Variants in CACHD1 observed in about 807,000 individuals in gnomAD.
CACHD1 encodes cache domain containing 1, also known as VWFA and cache domain-containing protein 1.
Under a neutral mutation model 138.7 loss-of-function variants are expected in CACHD1, and 71 were observed. That is an observed-to-expected ratio of 0.51 (90% CI 0.42 to 0.62). The LOEUF (loss-of-function observed/expected upper bound fraction) is 0.62, where lower values mean the gene tolerates loss of function less well. Among genes scored for constraint, CACHD1 ranks in the 20% least tolerant of loss-of-function variants. The pLI, the probability that CACHD1 is intolerant of heterozygous loss-of-function variation, is 0.00. For synonymous variants in CACHD1, 578 were observed against 591.5 expected (o/e 0.98, Z 0.33); for missense variants, 1,389 against 1,625.3 (o/e 0.85, Z 2.50).
chr1:64,608,986 G>T (rs924323908), intron 4 of CACHD1, among the ~76,000 whole-genome samples: 1 of 152,124 alleles, frequency 6.6e-6, no homozygotes, highest in South Asian at 2.1e-4. Flanking sequence ...CGCAAACTTC[G>T]ATCTTGGTAA....
At position 64,609,032 on chromosome 1, in the gene CACHD1, G is replaced by T. The variant is rs564593801; in HGVS notation, c.517+6120G>T. 2.9e-3 allele frequency among the ~76,000 whole-genome samples: 444 copies of T among 152,276 alleles called. 11 individuals are homozygous for T. The highest frequency in any genetic ancestry group is 9.0e-4 in the Non-Finnish European group (61 of 68,024). ...TTCATTGAGAAACGGGATTCACGGG[G>T]TGTAAGGGGCATTTATAAGTCATGT... On this transcript the variant is annotated intron_variant, in intron 4 of 26. Transcript: ENST00000651257.
At chr1:64,543,455 C>T (rs1024356773) in intron 1 of CACHD1, among the ~76,000 whole-genome samples, 47 of 147,298 alleles carry the variant, frequency 3.2e-4, no homozygotes, top group African/African-American at 1.2e-3. Flanking sequence ...GTGATGCACA[C>T]GTCCTAGCTA....
At chr1:64,642,453 A>G (rs945537025) in intron 8 of CACHD1, among the ~76,000 whole-genome samples, 3 of 152,190 alleles carry the variant, frequency 2.0e-5, no homozygotes, top group Non-Finnish European at 2.9e-5. Context: ...GGAGATAAGC[A>G]TTATCTACCT....
intron 26 of CACHD1, among the ~76,000 whole-genome samples, chr1:64,683,665 T>C (rs1455477127): frequency 5.3e-5 from 8 of 152,212 alleles, no homozygotes; most frequent in Non-Finnish European, 1.0e-4. Context: ...GTTCCTTTCA[T>C]TTTTCTCCAT....
At position 64,691,397 on chromosome 1, in the gene CACHD1, G is replaced by A. The variant is rs779833643; in HGVS notation, c.3661G>A (p.Asp1221Asn). 3.7e-6 allele frequency: 6 copies of A among 1,614,048 alleles called. No homozygotes were observed. Among genetic ancestry groups the A allele is most frequent in the South Asian group, 3.3e-5 (3 of 91,070 alleles). ...CAATGACCCCTTGTCAGCCGGGGTC[G>A]ATGTGGGAAACCATGATGAGGACTT... ...CNNDPLSAGV[D>N]VGNHDEDLDL... is the part of the protein sequence containing the mutation. Residue 1221 changes from aspartate (D) to asparagine (N), a missense_variant, in exon 27 of 27, where the codon GAT (aspartate) becomes AAT (asparagine). By Grantham distance (23) the Asp-to-Asn change is conservative. Transcript: ENST00000651257.
chr1:64,616,852 TG>T (rs1287279534), intron 4 of CACHD1, among the ~76,000 whole-genome samples: 1 of 152,128 alleles, frequency 6.6e-6, no homozygotes, highest in Non-Finnish European at 1.5e-5. Flanking sequence ...ATAAACAAAA[TG>T]GCTAGATGCA....
intron 1 of CACHD1, among the ~76,000 whole-genome samples, chr1:64,495,979 T>C (rs1407891507): frequency 6.6e-6 from 1 of 152,210 alleles, no homozygotes; most frequent in African/African-American, 2.4e-5. Flanking sequence ...TTTATTATAA[T>C]ATATTTGATT....
rs368836452 is a variant in CACHD1 at position 64,470,975 on chromosome 1, C to G, written c.198+33C>G. 60 of 1,552,120 alleles carry G rather than the reference C, an allele frequency of 3.9e-5. No homozygotes were observed. In the African/African-American group the frequency reaches 7.0e-4, roughly 18 times the overall value. ...GCCCCCGAGCTGGCCAGACATCCCG[C>G]CTTTCTCCTTTGCTCAAACTCCCAT... On this transcript the variant is annotated intron_variant, in intron 1 of 26. Coordinates refer to ENST00000651257, the MANE Select transcript of CACHD1 (RefSeq NM_020925.4). The surrounding 1 kb of genome is among the most constrained non-coding windows in gnomAD (Gnocchi z 5.2).
At chr1:64,647,736 G>A in intron 8 of CACHD1, 65 bp from the exon 9 acceptor site, 2 of 1,384,372 alleles carry the variant, frequency 1.4e-6, no homozygotes, top group Non-Finnish European at 2.0e-6. Context: ...GATCTAAATG[G>A]CAAGAGGTTG....
chr1:64,673,831 C>T (rs1649897328), intron 19 of CACHD1, among the ~76,000 whole-genome samples: 1 of 152,166 alleles, frequency 6.6e-6, no homozygotes. Context: ...CACTCGGGCT[C>T]CTTAAATTCC....
chr1:64,516,792 T>A (rs1360438487), intron 1 of CACHD1, among the ~76,000 whole-genome samples: 2 of 152,186 alleles, frequency 1.3e-5, no homozygotes, highest in African/African-American at 4.8e-5. Flanking sequence ...TAGGGAAATT[T>A]TTTTCTGGAG....
At chr1:64,534,453 TAAAC>T (rs553336118) in intron 1 of CACHD1, among the ~76,000 whole-genome samples, 315 of 152,238 alleles carry the variant, frequency 2.1e-3, no homozygotes, top group African/African-American at 7.1e-3. Context: ...GAAGGGCAGG[TAAAC>T]AAACAAAAAG....
rs148008467 is a variant in CACHD1, at chr1:64,491,013, A to G, written c.198+20071A>G. On this transcript the variant is annotated intron_variant, in intron 1 of 26. Transcript: ENST00000651257. ...TAAAAATCTAGAAAAATCTTTGCTT[A>G]AATAATTTTGAAAAAGTAAATAAAT... 3.9e-3 allele frequency among the ~76,000 whole-genome samples: 594 copies of G among 152,260 alleles called. 6 individuals carry two copies. The highest frequency in any genetic ancestry group is 0.013 in the African/African-American group (541 of 41,572).
At chr1:64,613,642 CTT>C (rs1557519706) in intron 4 of CACHD1, 2 of 152,058 alleles carry the variant, frequency 1.3e-5, no homozygotes, top group African/African-American at 4.8e-5. Flanking sequence ...TTGAAACTCT[CTT>C]ATCATTTGGT....
chr1:64,494,245 A>G (rs907267823), intron 1 of CACHD1, among the ~76,000 whole-genome samples: 22 of 152,200 alleles, frequency 1.4e-4, no homozygotes, highest in African/African-American at 5.3e-4. Context: ...AATGCTTTAG[A>G]TAACTTTTCT....
chr1:64,631,360 A>T (rs1648297116), intron 5 of CACHD1, among the ~76,000 whole-genome samples: 1 of 152,068 alleles, frequency 6.6e-6, no homozygotes, highest in African/African-American at 2.4e-5. Flanking sequence ...CCTCTCCTGG[A>T]TTCTTTTTAT....
chr1:64,539,668 A>T (rs1445274709), intron 1 of CACHD1, among the ~76,000 whole-genome samples: 1 of 152,150 alleles, frequency 6.6e-6, no homozygotes, highest in East Asian at 1.9e-4. Context: ...ACGGGCAAGG[A>T]TTTTCCTGTT....
At chr1:64,680,613 CTG>C (rs1650144089) in intron 24 of CACHD1, among the ~76,000 whole-genome samples, 1 of 152,146 alleles carries the variant, frequency 6.6e-6, no homozygotes, top group Non-Finnish European at 1.5e-5. Context: ...GGGAACAAAA[CTG>C]TTTAATGGCC....
chr1:64,621,445 T>C (rs1647910225), intron 4 of CACHD1, among the ~76,000 whole-genome samples: 1 of 152,180 alleles, frequency 6.6e-6, no homozygotes, highest in Non-Finnish European at 1.5e-5. Flanking sequence ...TCTCTATTTG[T>C]AAATCTGTAT....
Sources: gnomAD v4.1 joint callset for allele counts (sites outside exome capture counted in the v4.1 genomes callset) on GRCh38, gnomAD v4.1.1 for gene constraint, Gnocchi (gnomAD v3.1) non-coding constraint, MANE v1.5 for transcripts, NCBI Gene and HGNC (gene_info 2026-07-23, HGNC 2026-07-21) for gene names.